The following PRKCE variants were observed in gnomAD, a reference collection of about 807,000 sequenced individuals.
The protein encoded by PRKCE is protein kinase C epsilon type.
A neutral mutation model predicts 85.4 loss-of-function variants in PRKCE; 16 were observed. The ratio of observed to expected loss-of-function variants is 0.19; its 90% CI spans 0.13 to 0.28. The LOEUF (loss-of-function observed/expected upper bound fraction) is 0.28, where lower values mean the gene tolerates loss of function less well. PRKCE is among the 10% of genes least tolerant of loss of function. PRKCE has a pLI of 1.00. For synonymous variants in PRKCE, 388 were observed against 371.5 expected (o/e 1.04, Z -0.51); for missense variants, 573 against 975.2 (o/e 0.59, Z 5.49).
At chr2:46,183,068 T>C (rs1310050804) in intron 14 of PRKCE, among the ~76,000 whole-genome samples, 2 of 152,198 alleles carry the variant, frequency 1.3e-5, no homozygotes, top group Non-Finnish European at 2.9e-5. Context: ...GTTCTGAGGA[T>C]CAAATGAGCG....
chr2:45,672,335 C>T (rs1221870417), intron 1 of PRKCE, among the ~76,000 whole-genome samples: 4 of 151,828 alleles, frequency 2.6e-5, no homozygotes, highest in African/African-American at 4.8e-5. Context: ...CCCATCAATT[C>T]GTCCATCCAT....
chr2:45,742,400 A>T (rs1271931325), intron 1 of PRKCE, among the ~76,000 whole-genome samples: 1 of 151,434 alleles, frequency 6.6e-6, no homozygotes, highest in Non-Finnish European at 1.5e-5. Context: ...ATGCCACTGT[A>T]CTCCAGCCTG....
intron 2 of PRKCE, among the ~76,000 whole-genome samples, chr2:45,935,538 G>A (rs1036240375): frequency 1.1e-4 from 17 of 152,318 alleles, no homozygotes; most frequent in African/African-American, 4.1e-4. Flanking sequence ...TATAATCCCA[G>A]CACTTTGGGA....
In PRKCE at chr2:46,010,533, G is replaced by A. The variant is rs1181251580; in HGVS notation, c.1437+16G>A. The A allele has an allele frequency of 6.3e-7, 1 of 1,598,524 alleles. No individual in the cohort carries two copies. The highest frequency in any genetic ancestry group is 2.2e-5 in the East Asian group (1 of 44,856). On this transcript the variant is annotated intron_variant, in intron 10 of 14. Transcript: ENST00000306156. The stretch of plus-strand genomic sequence containing the variant: ...CCAGACCAAGGTATGTTAGGAAGAA[G>A]CTGGCTGGCTGCCATGTTGGGGCAT...
intron 2 of PRKCE, among the ~76,000 whole-genome samples, chr2:45,899,495 C>G (rs1404966083): frequency 6.6e-6 from 1 of 151,978 alleles, no homozygotes; most frequent in Admixed American, 6.6e-5. Flanking sequence ...GATCTCCCCA[C>G]CTCAGCCTCC....
At chr2:45,810,906 C>T (rs1164643987) in intron 1 of PRKCE, among the ~76,000 whole-genome samples, 3 of 151,164 alleles carry the variant, frequency 2.0e-5, no homozygotes, top group Admixed American at 2.0e-4. Context: ...ACAGAAGTGT[C>T]CTCTAGACTC....
chr2:46,066,666 G>T (rs921636570), intron 10 of PRKCE, among the ~76,000 whole-genome samples: 1 of 152,080 alleles, frequency 6.6e-6, no homozygotes, highest in Non-Finnish European at 1.5e-5. Flanking sequence ...GAAGTTTCTC[G>T]CTGTGCTCTT....
intron 2 of PRKCE, among the ~76,000 whole-genome samples, chr2:45,944,505 T>C (rs1403360496): frequency 6.6e-6 from 1 of 152,148 alleles, no homozygotes; most frequent in Non-Finnish European, 1.5e-5. Flanking sequence ...ATTTAGTTTT[T>C]TGAGACAGGG....
intron 1 of PRKCE, among the ~76,000 whole-genome samples, chr2:45,740,415 C>T (rs1558618110): frequency 6.6e-6 from 1 of 152,152 alleles, no homozygotes; most frequent in African/African-American, 2.4e-5. Flanking sequence ...AGTTGATAGG[C>T]TGGAAGGGGA....
chr2:45,779,939 T>C (rs1052114272), intron 1 of PRKCE, among the ~76,000 whole-genome samples: 1 of 152,212 alleles, frequency 6.6e-6, no homozygotes, highest in African/African-American at 2.4e-5. Context: ...GCTTCAACAT[T>C]TATCAATACA....
intron 6 of PRKCE, among the ~76,000 whole-genome samples, chr2:45,990,045 C>G (rs1172698296): frequency 6.6e-6 from 1 of 152,146 alleles, no homozygotes; most frequent in Non-Finnish European, 1.5e-5. Context: ...ACAAATGACC[C>G]CAGGACATAG....
intron 1 of PRKCE, among the ~76,000 whole-genome samples, chr2:45,672,221 T>C (rs930803871): frequency 3.3e-5 from 5 of 152,012 alleles, no homozygotes; most frequent in Admixed American, 1.3e-4. Flanking sequence ...CATTCATCCA[T>C]CTCTACATCC....
chr2:46,042,031 A>G (rs1708242375), intron 10 of PRKCE, among the ~76,000 whole-genome samples: 2 of 152,226 alleles, frequency 1.3e-5, no homozygotes, highest in Admixed American at 1.3e-4. Context: ...TGTGTTTCTC[A>G]ATATATGATC....
chr2:45,726,232 G>C (rs1381292248), intron 1 of PRKCE, among the ~76,000 whole-genome samples: 1 of 152,178 alleles, frequency 6.6e-6, no homozygotes, highest in Non-Finnish European at 1.5e-5. Context: ...GGTTTGAGAG[G>C]ATTGACTCCA....
At chr2:46,110,699 A>G (rs1296235070) in intron 11 of PRKCE, among the ~76,000 whole-genome samples, 1 of 150,424 alleles carries the variant, frequency 6.6e-6, no homozygotes, top group South Asian at 2.1e-4. Context: ...TCATTAATTT[A>G]TGCTCTGATT....
intron 10 of PRKCE, among the ~76,000 whole-genome samples, chr2:46,035,768 A>G (rs1052389067): frequency 1.8e-4 from 27 of 152,244 alleles, no homozygotes; most frequent in Non-Finnish European, 7.3e-5. Context: ...ATGGAGGCAA[A>G]CAAGTTATAA....
chr2:45,682,996 A>T (rs72884458), intron 1 of PRKCE, among the ~76,000 whole-genome samples: 1 of 152,178 alleles, frequency 6.6e-6, no homozygotes, highest in Non-Finnish European at 1.5e-5. Flanking sequence ...CTCTTTACGA[A>T]AAAAGAATAT....
intron 2 of PRKCE, among the ~76,000 whole-genome samples, chr2:45,931,617 A>T (rs537623153): frequency 6.6e-6 from 1 of 152,356 alleles, no homozygotes; most frequent in East Asian, 1.9e-4. Context: ...AATACTTTGT[A>T]TGCAATGCTG....
At chr2:45,855,635 G>A (rs139187885) in intron 2 of PRKCE, among the ~76,000 whole-genome samples, 47 of 152,312 alleles carry the variant, frequency 3.1e-4, no homozygotes, top group African/African-American at 1.1e-3. Flanking sequence ...GACTTTAGGG[G>A]AAACATCCTT....
Sources: allele counts gnomAD v4.1 joint callset (sites outside exome capture counted in the v4.1 genomes callset), GRCh38; gene constraint gnomAD v4.1.1; transcripts MANE v1.5; gene names NCBI Gene and HGNC (gene_info 2026-07-23, HGNC 2026-07-21).